Variants in SYN3 observed in about 807,000 individuals in gnomAD.
The protein encoded by SYN3 is synapsin-3.
In SYN3, 35 loss-of-function variants were observed where a neutral mutation model predicts 65.8. That is an observed-to-expected ratio of 0.53 (90% CI 0.41 to 0.70). SYN3 has a LOEUF of 0.70. SYN3 is among the 30% of genes least tolerant of loss of function. SYN3 has a pLI of 0.00. For missense variants in SYN3, 680 were observed against 749.0 expected (o/e 0.91, Z 1.08); for synonymous variants, 270 against 292.9 (o/e 0.92, Z 0.80).
chr22:32,856,408 GC>G (rs1001970834), intron 6 of SYN3, among the ~76,000 whole-genome samples: 1 of 152,062 alleles, frequency 6.6e-6, no homozygotes, highest in African/African-American at 2.4e-5. Flanking sequence ...GGTGAAGGGG[GC>G]CCTGGGGTGG....
chr22:32,981,707 C>G (rs1601835811), intron 2 of SYN3, among the ~76,000 whole-genome samples: 1 of 152,058 alleles, frequency 6.6e-6, no homozygotes, highest in Non-Finnish European at 1.5e-5. Flanking sequence ...TGCTGACTAT[C>G]CTAATCTAAT....
At chr22:33,031,366 C>T (rs2053752584) in intron 1 of SYN3, among the ~76,000 whole-genome samples, 1 of 152,120 alleles carries the variant, frequency 6.6e-6, no homozygotes, top group South Asian at 2.1e-4. Context: ...TAGGATTCCT[C>T]CCTTCCTCTC....
chr22:32,534,832 T>C (rs547629720), intron 9 of SYN3, among the ~76,000 whole-genome samples: 1 of 152,244 alleles, frequency 6.6e-6, no homozygotes, highest in South Asian at 2.1e-4. Context: ...CACCAAAGCC[T>C]ACTGAGGCCC....
At chr22:32,581,659 T>C (rs542414776) in intron 7 of SYN3, among the ~76,000 whole-genome samples, 42 of 152,316 alleles carry the variant, frequency 2.8e-4, no homozygotes, top group South Asian at 6.2e-4. Flanking sequence ...CTGTTTTATT[T>C]GACGTATACA....
chr22:32,934,931 G>C (rs981520239), intron 3 of SYN3, among the ~76,000 whole-genome samples: 4 of 152,170 alleles, frequency 2.6e-5, no homozygotes, highest in Middle Eastern at 3.2e-3. Flanking sequence ...GAGATGGAGT[G>C]ATGCTGCCAC....
At chr22:32,590,880 T>C (rs773983319) in intron 7 of SYN3, among the ~76,000 whole-genome samples, 11 of 152,244 alleles carry the variant, frequency 7.2e-5, no homozygotes, top group Non-Finnish European at 1.0e-4. Flanking sequence ...AAATAAATTA[T>C]GTGACATATG....
chr22:32,609,295 C>T (rs1455167546), intron 6 of SYN3, among the ~76,000 whole-genome samples: 2 of 151,618 alleles, frequency 1.3e-5, no homozygotes, highest in South Asian at 4.2e-4. Flanking sequence ...CTACTCCAGC[C>T]TGGGCGACAG....
chr22:32,939,356 AAC>A (rs2050872087), intron 3 of SYN3, among the ~76,000 whole-genome samples: 1 of 152,208 alleles, frequency 6.6e-6, no homozygotes, highest in Non-Finnish European at 1.5e-5. Flanking sequence ...TAAACCATAG[AAC>A]AGTGCCTTGA....
chr22:32,709,369 G>A (rs968662977), intron 6 of SYN3, among the ~76,000 whole-genome samples: 1 of 152,160 alleles, frequency 6.6e-6, no homozygotes, highest in Non-Finnish European at 1.5e-5. Flanking sequence ...TTCTATAAAC[G>A]TAATACAGAT....
intron 4 of SYN3, among the ~76,000 whole-genome samples, chr22:32,881,724 G>A (rs1243275600): frequency 6.6e-6 from 1 of 152,132 alleles, no homozygotes; most frequent in East Asian, 1.9e-4. Flanking sequence ...TTTATCCATT[G>A]TTTGATAGTT....
Position 32,509,722 on chromosome 22 carries a change from C to T in SYN3, c.*3970G>A, listed in dbSNP as rs186151175. On this transcript the variant is annotated 3_prime_UTR_variant, in exon 14 of 14. Transcript: ENST00000358763. Reference sequence around the variant, plus strand: ...TAGCTGGGACTACAGGCGCCCGCTACCACGCCCGGCTAATTTTTTATATTT... The same window carrying T: ...TAGCTGGGACTACAGGCGCCCGCTATCACGCCCGGCTAATTTTTTATATTT... Among the ~76,000 whole-genome samples the T allele has an allele frequency of 0.13, 20,180 of 151,902 alleles. 4,286 individuals are homozygous for T. The highest frequency in any genetic ancestry group is 0.45 in the African/African-American group (18,477 of 41,280).
At chr22:32,993,786 A>G (rs896216442) in intron 2 of SYN3, among the ~76,000 whole-genome samples, 4 of 152,162 alleles carry the variant, frequency 2.6e-5, no homozygotes, top group Non-Finnish European at 4.4e-5. Context: ...CATAGGAGAA[A>G]CAGAGGCCAG....
rs898628681 is a variant in SYN3 at position 32,508,378 on chromosome 22, C to T, written c.*5314G>A. 2.6e-5 allele frequency among the ~76,000 whole-genome samples: 4 copies of T among 152,134 alleles called. No individual in the cohort carries two copies. The highest frequency in any genetic ancestry group is 2.0e-4 in the Admixed American group (3 of 15,272). On this transcript the variant is annotated 3_prime_UTR_variant, in exon 14 of 14. Coordinates refer to ENST00000358763, the MANE Select transcript of SYN3 (RefSeq NM_003490.4). ...TACCTTCCCAAATCCTATAAAACGG[C>T]CCCATCCCTACTCCCTTTGCTGACT...
intron 6 of SYN3, among the ~76,000 whole-genome samples, chr22:32,847,090 G>A (rs575853065): frequency 6.6e-6 from 1 of 152,024 alleles, no homozygotes; most frequent in Admixed American, 6.5e-5. Flanking sequence ...CACACCCCCC[G>A]GCCAAGACTC....
intron 7 of SYN3, among the ~76,000 whole-genome samples, chr22:32,563,955 C>T (rs1296549825): frequency 6.6e-6 from 1 of 152,194 alleles, no homozygotes; most frequent in Admixed American, 6.5e-5. Context: ...AGGCATGAGC[C>T]ACTGCGCCCG....
intron 7 of SYN3, among the ~76,000 whole-genome samples, chr22:32,592,580 A>G (rs2059143026): frequency 6.6e-6 from 1 of 152,088 alleles, no homozygotes; most frequent in Non-Finnish European, 1.5e-5. Context: ...ACCCAATCAC[A>G]TGCAGTTCCC....
At chr22:32,946,349 A>G (rs1479018181) in intron 3 of SYN3, among the ~76,000 whole-genome samples, 1 of 152,210 alleles carries the variant, frequency 6.6e-6, no homozygotes, top group African/African-American at 2.4e-5. Context: ...ACACCATGGA[A>G]TACTATGCAG....
At position 32,510,343 on chromosome 22, in the gene SYN3, G is replaced by C. The variant is rs2057677278; in HGVS notation, c.*3349C>G. On this transcript the variant is annotated 3_prime_UTR_variant, in exon 14 of 14. Coordinates refer to ENST00000358763, the MANE Select transcript of SYN3 (RefSeq NM_003490.4). ...TTTAGTCCGACATGAAGCTTCATCT[G>C]CCTTTGTAACTAGCTCTGCCCATGG... is the stretch of plus-strand genomic sequence containing the variant. Among the ~76,000 whole-genome samples the C allele has an allele frequency of 6.6e-6, 1 of 152,216 alleles. No individual in the cohort carries two copies. The highest frequency in any genetic ancestry group is 1.5e-5 in the Non-Finnish European group (1 of 68,046).
At chr22:32,794,967 G>T (rs2046397706) in intron 6 of SYN3, among the ~76,000 whole-genome samples, 1 of 152,166 alleles carries the variant, frequency 6.6e-6, no homozygotes, top group Non-Finnish European at 1.5e-5. Flanking sequence ...GTTGGAAGAG[G>T]GCAGCATGGG....
Sources: gnomAD v4.1 joint callset for allele counts (sites outside exome capture counted in the v4.1 genomes callset) on GRCh38, gnomAD v4.1.1 for gene constraint, MANE v1.5 for transcripts, NCBI Gene and HGNC (gene_info 2026-07-23, HGNC 2026-07-21) for gene names.